The following CALN1 variants were observed in gnomAD, a reference collection of about 807,000 sequenced individuals.
CALN1 encodes calneuron 1, also known as calcium-binding protein 8.
CALN1 carries 17 observed loss-of-function variants against 30.6 expected under a neutral mutation model. The ratio of observed to expected loss-of-function variants is 0.56; its 90% CI spans 0.38 to 0.83. CALN1 has a LOEUF of 0.83. Ranked by LOEUF, CALN1 falls within the 40% of genes least tolerant of loss-of-function variation. The probability of loss-of-function intolerance (pLI) is 0.00; values close to 1 mark genes in which losing one functional copy is unlikely to be tolerated. For missense variants in CALN1, 291 were observed against 354.9 expected (o/e 0.82, Z 1.45); for synonymous variants, 156 against 131.4 (o/e 1.19, Z -1.28).
intron 2 of CALN1, among the ~76,000 whole-genome samples, chr7:72,374,187 AAAT>A (rs1247940184): frequency 6.6e-6 from 1 of 152,244 alleles, no homozygotes; most frequent in Non-Finnish European, 1.5e-5. Context: ...AAGAAAAACA[AAAT>A]AAAAGGAAAT....
At chr7:72,099,105 A>T (rs1372550561) in intron 4 of CALN1, among the ~76,000 whole-genome samples, 1 of 151,926 alleles carries the variant, frequency 6.6e-6, no homozygotes, top group Non-Finnish European at 1.5e-5. Flanking sequence ...AGCGGCAGGG[A>T]CCCCAGAGAA....
chr7:72,162,905 T>C (rs531807300), intron 3 of CALN1, among the ~76,000 whole-genome samples: 40 of 152,152 alleles, frequency 2.6e-4, no homozygotes, highest in Non-Finnish European at 4.6e-4. Context: ...CCAGAAGAGT[T>C]ACAAATAGAA....
intron 3 of CALN1, among the ~76,000 whole-genome samples, chr7:72,119,529 C>A (rs896096014): frequency 1.3e-5 from 2 of 150,816 alleles, no homozygotes; most frequent in African/African-American, 2.4e-5. Flanking sequence ...AAAAAAAAAA[C>A]CAGAGCTAAC....
intron 2 of CALN1, among the ~76,000 whole-genome samples, chr7:72,341,403 A>G (rs2129558791): frequency 6.6e-6 from 1 of 152,314 alleles, no homozygotes; most frequent in East Asian, 1.9e-4. Context: ...GATGCCTGTA[A>G]TCCCAGCTAC....
chr7:72,200,997 A>G (rs1185161818), intron 3 of CALN1, among the ~76,000 whole-genome samples: 1 of 152,248 alleles, frequency 6.6e-6, no homozygotes, highest in Admixed American at 6.5e-5. Flanking sequence ...TTATTGCAGC[A>G]CTATTCACAA....
intron 3 of CALN1, among the ~76,000 whole-genome samples, chr7:72,198,384 C>T (rs1482410172): frequency 1.3e-5 from 2 of 152,162 alleles, no homozygotes; most frequent in Admixed American, 6.5e-5. Flanking sequence ...AGGTACCTTG[C>T]TTTATTTATT....
intron 2 of CALN1, among the ~76,000 whole-genome samples, chr7:72,365,873 C>T (rs1418390453): frequency 6.6e-6 from 1 of 152,096 alleles, no homozygotes; most frequent in South Asian, 2.1e-4. Flanking sequence ...CCCTCTCGCC[C>T]AGTTGGTTAA....
chr7:72,406,495 G>A (rs1397546180), intron 1 of CALN1, among the ~76,000 whole-genome samples: 6 of 152,134 alleles, frequency 3.9e-5, no homozygotes, highest in Non-Finnish European at 8.8e-5. Flanking sequence ...AAGTCCATTT[G>A]CTAATTGCCT....
At chr7:72,018,528 T>C (rs966867351) in intron 5 of CALN1, among the ~76,000 whole-genome samples, 5 of 152,104 alleles carry the variant, frequency 3.3e-5, no homozygotes, top group Non-Finnish European at 5.9e-5. Context: ...AACTTATGCA[T>C]AGGAAAGCGG....
At chr7:72,278,909 C>T (rs1263619741) in intron 2 of CALN1, 99 bp from the exon 3 acceptor site, 3 of 1,460,514 alleles carry the variant, frequency 2.1e-6, no homozygotes, top group African/African-American at 1.4e-5. Context: ...TGGCCAGTGT[C>T]ATTTTAAAAA....
intron 3 of CALN1, among the ~76,000 whole-genome samples, chr7:72,177,888 G>A (rs116321857): frequency 9.4e-4 from 142 of 151,772 alleles, no homozygotes; most frequent in African/African-American, 3.2e-3. Context: ...TAACATGTTC[G>A]CGTCCCTTAG....
intron 3 of CALN1, among the ~76,000 whole-genome samples, chr7:72,216,753 AT>A (rs759898522): frequency 1.3e-5 from 2 of 152,116 alleles, no homozygotes; most frequent in Non-Finnish European, 2.9e-5. Context: ...ACTTCACAGC[AT>A]TGTTTTTTGG....
intron 2 of CALN1, among the ~76,000 whole-genome samples, chr7:72,395,357 G>GCACACA (rs368564724): frequency 7.5e-4 from 112 of 150,286 alleles, no homozygotes; most frequent in South Asian, 2.5e-3. Context: ...GCGCACGCGC[G>GCACACA]CGCACACACA....
At chr7:72,272,793 T>C (rs1243588185) in intron 3 of CALN1, among the ~76,000 whole-genome samples, 1 of 152,018 alleles carries the variant, frequency 6.6e-6, no homozygotes, top group Non-Finnish European at 1.5e-5. Context: ...GGGAATCTAT[T>C]CCTCAACCCA....
At chr7:72,340,067 A>G (rs2129558743) in intron 2 of CALN1, among the ~76,000 whole-genome samples, 1 of 152,356 alleles carries the variant, frequency 6.6e-6, no homozygotes, top group South Asian at 2.1e-4. Flanking sequence ...ACCTTGGATG[A>G]GAGGGAACTG....
chr7:72,356,455 A>C (rs1803234946), intron 2 of CALN1, among the ~76,000 whole-genome samples: 1 of 152,088 alleles, frequency 6.6e-6, no homozygotes, highest in South Asian at 2.1e-4. Flanking sequence ...ACTTGTATTA[A>C]AGTGATAAAT....
chr7:72,037,130 T>C (rs1801847913), intron 4 of CALN1, among the ~76,000 whole-genome samples: 1 of 149,350 alleles, frequency 6.7e-6, no homozygotes, highest in Non-Finnish European at 1.5e-5. Context: ...TGAGCCACCC[T>C]GCCTAGCCTT....
At chr7:72,336,671 C>G in intron 2 of CALN1, 4 of 984,336 alleles carry the variant, frequency 4.1e-6, no homozygotes, top group Non-Finnish European at 3.6e-6. Context: ...AGCGCGCGCG[C>G]GGGTAAGCTA....
intron 5 of CALN1, among the ~76,000 whole-genome samples, chr7:71,935,998 G>A (rs1269783795): frequency 2.0e-5 from 3 of 152,178 alleles, no homozygotes; most frequent in African/African-American, 4.8e-5. Flanking sequence ...ACTCCCAGGT[G>A]TCCTGGGTGA....
Sources: gnomAD v4.1 joint callset for allele counts (sites outside exome capture counted in the v4.1 genomes callset) on GRCh38, gnomAD v4.1.1 for gene constraint, MANE v1.5 for transcripts, NCBI Gene and HGNC (gene_info 2026-07-23, HGNC 2026-07-21) for gene names.